RB1: variants seen among roughly 807,000 people sequenced by gnomAD.
The protein encoded by RB1 is retinoblastoma-associated protein.
RB1 carries 18 observed loss-of-function variants against 135.4 expected under a neutral mutation model. The ratio of observed to expected loss-of-function variants is 0.13; its 90% CI spans 0.09 to 0.20. The LOEUF is 0.20. Ranked by LOEUF, RB1 falls within the 10% of genes least tolerant of loss-of-function variation. RB1 has a pLI of 1.00. For missense variants in RB1, 868 were observed against 1,110.0 expected, an observed-to-expected ratio of 0.78 and a Z score of 3.10; for synonymous variants, 365 against 373.2, an observed-to-expected ratio of 0.98 and a Z score of 0.25.
intron 2 of RB1, among the ~76,000 whole-genome samples, chr13:48,316,429 A>T (rs143820323): frequency 1.6e-3 from 238 of 152,234 alleles, no homozygotes; most frequent in African/African-American, 5.6e-3. Context: ...CAACCAAAAA[A>T]CATCAGAGTC....
At chr13:48,456,387 A>G in intron 19 of RB1, 38 bp downstream of exon 19, 1 of 1,608,810 alleles carries the variant, frequency 6.2e-7, no homozygotes, top group Non-Finnish European at 8.5e-7. Context: ...TGGACTCTGA[A>G]ACTAGGCTGA....
chr13:48,463,924 TGA>T, intron 21 of RB1, 89 bp downstream of exon 21: 1 of 810,690 alleles, frequency 1.2e-6, no homozygotes, highest in Non-Finnish European at 2.2e-6. Flanking sequence ...TATTCATTAA[TGA>T]GATCATATAT....
chr13:48,391,918 C>G (rs1484206835), intron 17 of RB1, among the ~76,000 whole-genome samples: 1 of 152,066 alleles, frequency 6.6e-6, no homozygotes, highest in African/African-American at 2.4e-5. Flanking sequence ...CCGCACCCAG[C>G]CAACAAAAAA....
At chr13:48,431,379 C>G (rs539774968) in intron 17 of RB1, among the ~76,000 whole-genome samples, 28 of 152,108 alleles carry the variant, frequency 1.8e-4, no homozygotes, top group Non-Finnish European at 3.1e-4. Flanking sequence ...AGCAAGTATG[C>G]TTAAAACCAA....
chr13:48,344,172 C>T (rs4151451), intron 3 of RB1, among the ~76,000 whole-genome samples: 1,638 of 152,208 alleles, frequency 0.011, 41 homozygotes, highest in African/African-American at 0.037. Flanking sequence ...GTTTCAAATA[C>T]GTTAATTTTT....
chr13:48,391,870 G>C (rs914216206), intron 17 of RB1, among the ~76,000 whole-genome samples: 3 of 151,866 alleles, frequency 2.0e-5, no homozygotes, highest in African/African-American at 7.3e-5. Context: ...GCCTGCCTCG[G>C]CCTCCTCCCA....
At chr13:48,321,934 T>C (rs1191527708) in intron 2 of RB1, among the ~76,000 whole-genome samples, 1 of 152,198 alleles carries the variant, frequency 6.6e-6, no homozygotes, top group Non-Finnish European at 1.5e-5. Context: ...TCTTGCTGAT[T>C]TTCTTGAGTT....
intron 2 of RB1, chr13:48,316,725 A>T (rs1360236709): frequency 0.086 from 87 of 1,016 alleles, no homozygotes; most frequent in African/African-American, 0.23. Context: ...ACCATCACAC[A>T]CACACACACA....
At chr13:48,461,349 C>A (rs1410459850) in intron 20 of RB1, among the ~76,000 whole-genome samples, 1 of 152,166 alleles carries the variant, frequency 6.6e-6, no homozygotes, top group Non-Finnish European at 1.5e-5. Context: ...TACTTCATTC[C>A]TTTTCATTGC....
intron 2 of RB1, among the ~76,000 whole-genome samples, chr13:48,342,186 GAATA>G (rs1412732357): frequency 6.6e-6 from 1 of 151,838 alleles, no homozygotes; most frequent in Non-Finnish European, 1.5e-5. Flanking sequence ...AGGAATGAAT[GAATA>G]GAGCAAGGAA....
chr13:48,438,849 G>A (rs889996621), intron 17 of RB1, among the ~76,000 whole-genome samples: 2 of 152,146 alleles, frequency 1.3e-5, no homozygotes, highest in Non-Finnish European at 2.9e-5. Flanking sequence ...TGCTTATCAT[G>A]TGCCATGTAT....
intron 17 of RB1, among the ~76,000 whole-genome samples, chr13:48,443,087 A>G (rs555732845): frequency 6.6e-6 from 1 of 152,096 alleles, no homozygotes; most frequent in African/African-American, 2.4e-5. Context: ...GTGTTTGTTC[A>G]TGTGTATAAA....
intron 2 of RB1, among the ~76,000 whole-genome samples, chr13:48,336,461 G>A (rs2138075169): frequency 6.6e-6 from 1 of 152,210 alleles, no homozygotes; most frequent in Middle Eastern, 3.4e-3. Context: ...AGATTTTCTA[G>A]TTTATTTGCG....
chr13:48,319,348 G>A lies in RB1; in HGVS notation c.264+11942G>A, dbSNP rs911214678. 12 of 509,190 alleles carry A rather than the reference G, an allele frequency of 2.4e-5. No individual in the cohort carries two copies. Among genetic ancestry groups the A allele is most frequent in the Non-Finnish European group, 3.9e-5 (11 of 281,256 alleles). 31.5% of individuals were successfully genotyped at this position (509,190 alleles called of 1,614,324 possible). On this transcript the variant is annotated intron_variant, in intron 2 of 26. Transcript: ENST00000267163. The surrounding 1 kb of genome is among the most constrained non-coding windows in gnomAD (Gnocchi z 5.0). ...GGCAGGTCCCCGTTGGCCTCCTTGC[G>A]TGTTTGCCGCAGCTAGTACACCTGG...
At chr13:48,304,840 C>T (rs1051596785) in intron 1 of RB1, among the ~76,000 whole-genome samples, 33 of 151,856 alleles carry the variant, frequency 2.2e-4, no homozygotes, top group Admixed American at 6.6e-4. Flanking sequence ...TTCCATTTTG[C>T]CTTTTGACTT....
intron 17 of RB1, chr13:48,411,718 TCAAATGTA>T: frequency 6.2e-7 from 1 of 1,605,616 alleles, no homozygotes. Flanking sequence ...CAGAATATGA[TCAAATGTA>T]CAAAAATCAT....
chr13:48,345,787 T>C (rs4151467), intron 4 of RB1, among the ~76,000 whole-genome samples: 5,318 of 152,254 alleles, frequency 0.035, 122 homozygotes, highest in Middle Eastern at 0.075. Flanking sequence ...CTCATTTCAT[T>C]TGCGGTTAAG....
At chr13:48,374,319 A>G (rs1406732510) in intron 12 of RB1, among the ~76,000 whole-genome samples, 1 of 152,116 alleles carries the variant, frequency 6.6e-6, no homozygotes, top group African/African-American at 2.4e-5. Flanking sequence ...CCTTACTTAA[A>G]CTCAGATGAG....
intron 10 of RB1, among the ~76,000 whole-genome samples, chr13:48,368,108 T>G (rs1952722037): frequency 6.6e-6 from 1 of 152,202 alleles, no homozygotes; most frequent in African/African-American, 2.4e-5. Context: ...ACTGAAAATA[T>G]GCGTAATTTA....
Sources: gnomAD v4.1 joint callset for allele counts (sites outside exome capture counted in the v4.1 genomes callset) on GRCh38, gnomAD v4.1.1 for gene constraint, Gnocchi (gnomAD v3.1) non-coding constraint, MANE v1.5 for transcripts, NCBI Gene and HGNC (gene_info 2026-07-23, HGNC 2026-07-21) for gene names.